The following NEGR1 variants were observed in gnomAD, a reference collection of about 807,000 sequenced individuals.
NEGR1 encodes the protein neuronal growth regulator 1.
NEGR1 carries 10 observed loss-of-function variants against 40.9 expected under a neutral mutation model. The ratio of observed to expected loss-of-function variants is 0.24; its 90% confidence interval spans 0.15 to 0.42. NEGR1 has a LOEUF of 0.42. NEGR1 is among the 10% of genes least tolerant of loss of function. The probability of loss-of-function intolerance (pLI) is 1.00; values close to 1 mark genes in which losing one functional copy is unlikely to be tolerated. For synonymous variants in NEGR1, 185 were observed against 166.8 expected (o/e 1.11, Z -0.84); for missense variants, 352 against 438.9 (o/e 0.80, Z 1.77).
chr1:71,600,667 AGG>A (rs1460239657), intron 5 of NEGR1, among the ~76,000 whole-genome samples: 1 of 152,188 alleles, frequency 6.6e-6, no homozygotes, highest in African/African-American at 2.4e-5. Context: ...CTGTTGTGTG[AGG>A]GTAGAATGGC....
chr1:72,273,776 C>G (rs955567828), intron 1 of NEGR1, among the ~76,000 whole-genome samples: 1 of 151,612 alleles, frequency 6.6e-6, no homozygotes, highest in Non-Finnish European at 1.5e-5. Context: ...ATGTATATCT[C>G]TTAAACCACT....
At position 72,062,854 on chromosome 1, in the gene NEGR1, A is replaced by G. The variant is rs868754779; in HGVS notation, c.177-127543T>C. ...GGAAACCAGGGACTGCCCACATGGC[A>G]TTATTAACCAATTAAGAAATGGATA... On this transcript the variant is annotated intron_variant, in intron 1 of 6. Coordinates refer to ENST00000357731, the MANE Select transcript of NEGR1 (RefSeq NM_173808.3). Among the ~76,000 whole-genome samples, 4 of 151,940 alleles carry G rather than the reference A, an allele frequency of 2.6e-5. No individual in the cohort carries two copies. The South Asian group carries it at 8.3e-4, about 31-fold the overall frequency.
intron 2 of NEGR1, among the ~76,000 whole-genome samples, chr1:71,917,594 C>T (rs1661620718): frequency 2.7e-5 from 4 of 147,014 alleles, no homozygotes; most frequent in Admixed American, 2.0e-4. Flanking sequence ...ATCGAGACCA[C>T]GGTGAAACCC....
chr1:71,668,798 G>A (rs1003436080), intron 4 of NEGR1, among the ~76,000 whole-genome samples: 16 of 152,128 alleles, frequency 1.1e-4, no homozygotes, highest in Non-Finnish European at 7.4e-5. Context: ...ACATACCTGT[G>A]ATTTTTGGTG....
At chr1:71,571,838 G>A (rs1398016778) in intron 6 of NEGR1, among the ~76,000 whole-genome samples, 1 of 147,000 alleles carries the variant, frequency 6.8e-6, no homozygotes. Context: ...TATGCACAAA[G>A]CAGTTACTTC....
intron 4 of NEGR1, among the ~76,000 whole-genome samples, chr1:71,692,221 A>G (rs967013575): frequency 2.0e-5 from 3 of 151,830 alleles, no homozygotes; most frequent in Admixed American, 1.3e-4. Flanking sequence ...ATAGGAACTA[A>G]TACTTTATTT....
At chr1:71,427,625 G>T (rs1392722518) in intron 6 of NEGR1, among the ~76,000 whole-genome samples, 1 of 151,450 alleles carries the variant, frequency 6.6e-6, no homozygotes, top group Non-Finnish European at 1.5e-5. Flanking sequence ...TTTAAAAAAT[G>T]AGAGTAAGAA....
chr1:71,786,953 G>A (rs375708785), intron 2 of NEGR1, among the ~76,000 whole-genome samples: 7 of 152,262 alleles, frequency 4.6e-5, no homozygotes, highest in African/African-American at 1.7e-4. Context: ...TCACCACCTC[G>A]GGGCTACCAT....
chr1:71,641,166 C>A (rs571774600), intron 4 of NEGR1, among the ~76,000 whole-genome samples: 3 of 152,146 alleles, frequency 2.0e-5, no homozygotes, highest in African/African-American at 7.2e-5. Context: ...AGATTGTTTG[C>A]GTAGCAAAGA....
chr1:71,530,512 C>T (rs997033232), intron 6 of NEGR1, among the ~76,000 whole-genome samples: 1 of 151,302 alleles, frequency 6.6e-6, no homozygotes, highest in East Asian at 2.0e-4. Flanking sequence ...CCCTGGAGGC[C>T]TTCAACAAAT....
intron 4 of NEGR1, among the ~76,000 whole-genome samples, chr1:71,615,434 T>C (rs906354732): frequency 6.6e-6 from 1 of 152,152 alleles, no homozygotes; most frequent in African/African-American, 2.4e-5. Flanking sequence ...TAAGGTAATA[T>C]TTGAACAAAG....
intron 1 of NEGR1, among the ~76,000 whole-genome samples, chr1:71,955,775 C>T (rs1646114358): frequency 6.6e-6 from 1 of 152,104 alleles, no homozygotes; most frequent in Non-Finnish European, 1.5e-5. Context: ...CCAGGAGACA[C>T]ATCTTTGTTG....
At chr1:72,085,243 T>G (rs1229772878) in intron 1 of NEGR1, among the ~76,000 whole-genome samples, 1 of 152,232 alleles carries the variant, frequency 6.6e-6, no homozygotes, top group Non-Finnish European at 1.5e-5. Context: ...GATATATAGA[T>G]AAATACACAA....
At chr1:71,436,302 T>C in intron 6 of NEGR1, among the ~76,000 whole-genome samples, 1 of 151,492 alleles carries the variant, frequency 6.6e-6, no homozygotes, top group East Asian at 1.9e-4. Flanking sequence ...CTAATAGATA[T>C]CATACCAGAA....
In NEGR1 at chr1:71,614,876, G is replaced by A. The variant is rs147148060; in HGVS notation, c.668-3730C>T. ...CAGTACTGGGTGCTTTACCACACAA[G>A]TTAAAGGGACATGATCCTGTTATCT... On this transcript the variant is annotated intron_variant, in intron 4 of 6. Coordinates refer to ENST00000357731, the MANE Select transcript of NEGR1 (RefSeq NM_173808.3). Among the ~76,000 whole-genome samples, 265 of 152,280 alleles carry A rather than the reference G, an allele frequency of 1.7e-3. 1 individual carries two copies. The South Asian group carries it at 0.03, about 17-fold the overall frequency.
intron 6 of NEGR1, among the ~76,000 whole-genome samples, chr1:71,467,630 C>T (rs1462076220): frequency 1.3e-5 from 2 of 152,008 alleles, no homozygotes; most frequent in Non-Finnish European, 2.9e-5. Context: ...CTGTAAACAG[C>T]AGCATAGACA....
chr1:71,649,233 T>C (rs751186651), intron 4 of NEGR1, among the ~76,000 whole-genome samples: 7 of 152,102 alleles, frequency 4.6e-5, no homozygotes, highest in Non-Finnish European at 1.0e-4. Flanking sequence ...AGCAAAACTT[T>C]CATATTCTGA....
At chr1:71,702,763 T>C (rs1653743541) in intron 3 of NEGR1, among the ~76,000 whole-genome samples, 1 of 147,378 alleles carries the variant, frequency 6.8e-6, no homozygotes, top group South Asian at 2.1e-4. Flanking sequence ...CATTGGACAG[T>C]AAGAAGCACA....
At chr1:72,090,048 A>C (rs1569945844) in intron 1 of NEGR1, among the ~76,000 whole-genome samples, 1 of 152,270 alleles carries the variant, frequency 6.6e-6, no homozygotes, top group South Asian at 2.1e-4. Flanking sequence ...TTGTCAAAAA[A>C]ATTAGATAAA....
Sources: gnomAD v4.1 joint callset for allele counts (sites outside exome capture counted in the v4.1 genomes callset) on GRCh38, gnomAD v4.1.1 for gene constraint, MANE v1.5 for transcripts, NCBI Gene and HGNC (gene_info 2026-07-23, HGNC 2026-07-21) for gene names.